The following CUBN variants were observed in gnomAD, a reference collection of about 807,000 sequenced individuals.
CUBN encodes the protein 460 kDa receptor.
CUBN carries 282 observed loss-of-function variants against 405.3 expected under a neutral mutation model. That is an observed-to-expected ratio of 0.70 (90% CI 0.63 to 0.77). The LOEUF (loss-of-function observed/expected upper bound fraction) is 0.77. Among genes scored for constraint, CUBN ranks in the 30% least tolerant of loss-of-function variants. The pLI is 0.00. For synonymous variants in CUBN, 1,684 were observed against 1,617.0 expected (o/e 1.04, Z -0.99); for missense variants, 4,514 against 4,475.2 (o/e 1.01, Z -0.25).
intron 20 of CUBN, 70 bp downstream of exon 20, chr10:17,068,535 T>C: frequency 2.3e-6 from 3 of 1,329,150 alleles, no homozygotes; most frequent in Non-Finnish European, 3.2e-6. Flanking sequence ...TTCATATAAT[T>C]TATTTCTATC....
At chr10:16,932,305 A>G (rs1018723112) in intron 40 of CUBN, among the ~76,000 whole-genome samples, 2 of 152,200 alleles carry the variant, frequency 1.3e-5, no homozygotes, top group Non-Finnish European at 2.9e-5. Context: ...TGCTGAGAAC[A>G]TGTACATCTA....
At chr10:17,005,362 A>G (rs982302947) in intron 28 of CUBN, among the ~76,000 whole-genome samples, 9 of 152,190 alleles carry the variant, frequency 5.9e-5, no homozygotes, top group Non-Finnish European at 1.3e-4. Flanking sequence ...TATGTACTGT[A>G]TATCTTTATG....
chr10:17,055,885 C>T (rs939173026), intron 22 of CUBN, among the ~76,000 whole-genome samples: 1 of 151,966 alleles, frequency 6.6e-6, no homozygotes, highest in Admixed American at 6.6e-5. Flanking sequence ...ATCAAATTCT[C>T]AAGTTTTTTT....
At chr10:17,030,184 T>C (rs1834758991) in intron 27 of CUBN, among the ~76,000 whole-genome samples, 1 of 152,186 alleles carries the variant, frequency 6.6e-6, no homozygotes, top group Non-Finnish European at 1.5e-5. Flanking sequence ...TACATGATGG[T>C]GACTTGTATA....
intron 31 of CUBN, among the ~76,000 whole-genome samples, chr10:16,977,814 T>C (rs370098497): frequency 1.2e-4 from 18 of 152,214 alleles, no homozygotes; most frequent in African/African-American, 4.3e-4. Flanking sequence ...CACCCCTGTC[T>C]GCATGTTTCC....
chr10:16,984,256 G>A lies in CUBN; in HGVS notation c.4374C>T (p.His1458=), dbSNP rs1253294282. ...VLEIYGGPDF[H]SPRIAQLCTQ... ...TACACAGTTGGGCTATTCTGGGAGA[G>A]TGGAAATCGGGGCCTCCATAGATCT... The change falls in exon 30 of 67, where the codon CAC becomes CAT. Residue 1458 remains histidine, a synonymous_variant. Coordinates refer to ENST00000377833, the MANE Select transcript of CUBN (RefSeq NM_001081.4). 1.2e-6 allele frequency: 2 copies of A among 1,614,144 alleles called. No individual in the cohort carries two copies. The highest frequency in any genetic ancestry group is 1.3e-5 in the African/African-American group (1 of 75,044).
chr10:17,089,628 T>G (rs1470117352), intron 14 of CUBN, among the ~76,000 whole-genome samples: 4 of 152,172 alleles, frequency 2.6e-5, no homozygotes. Context: ...GACATAGACA[T>G]TCTCACACAT....
At chr10:16,927,924 A>G (rs10795433) in intron 41 of CUBN, among the ~76,000 whole-genome samples, 1 of 152,028 alleles carries the variant, frequency 6.6e-6, no homozygotes, top group South Asian at 2.1e-4. Context: ...CGAAGATGCC[A>G]CACCAGAGAC....
chr10:16,847,934 G>GA (rs1363449194), intron 60 of CUBN, among the ~76,000 whole-genome samples: 1 of 152,076 alleles, frequency 6.6e-6, no homozygotes, highest in Non-Finnish European at 1.5e-5. Context: ...ATTTATCACA[G>GA]AAAAATCTCT....
chr10:17,096,127 C>T (rs1227479509), intron 14 of CUBN, among the ~76,000 whole-genome samples: 1 of 151,896 alleles, frequency 6.6e-6, no homozygotes, highest in Non-Finnish European at 1.5e-5. Flanking sequence ...TGGCCAGGAG[C>T]TGAGAGGTGG....
At chr10:16,917,438 C>T (rs1234672055) in intron 45 of CUBN, among the ~76,000 whole-genome samples, 1 of 151,904 alleles carries the variant, frequency 6.6e-6, no homozygotes, top group Non-Finnish European at 1.5e-5. Flanking sequence ...ACAACAATAA[C>T]TAATAATAAA....
chr10:17,061,857 GCTAAC>G lies in CUBN; in HGVS notation c.3139+3646_3139+3650del, dbSNP rs549062651. Reference sequence around the variant, plus strand: ...CAGTTCATTTAGAGCGTTTCTAAGAGCTAACCTAGACATGGCAAAAGCAATGGATT... The same window carrying G: ...CAGTTCATTTAGAGCGTTTCTAAGAGCTAGACATGGCAAAAGCAATGGATT... On this transcript the variant is annotated intron_variant, in intron 22 of 66. Coordinates refer to ENST00000377833, the MANE Select transcript of CUBN (RefSeq NM_001081.4). 2.8e-3 allele frequency among the ~76,000 whole-genome samples: 421 copies of G among 152,274 alleles called. 2 individuals carry two copies. The highest frequency in any genetic ancestry group is 9.6e-3 in the African/African-American group (398 of 41,540).
intron 59 of CUBN, among the ~76,000 whole-genome samples, chr10:16,860,676 C>T (rs570301297): frequency 6.6e-6 from 1 of 152,344 alleles, no homozygotes; most frequent in East Asian, 1.9e-4. Flanking sequence ...TGTCACAAGA[C>T]ATTGTCCAGA....
At chr10:17,075,877 C>T (rs1835844854) in intron 17 of CUBN, among the ~76,000 whole-genome samples, 1 of 152,156 alleles carries the variant, frequency 6.6e-6, no homozygotes, top group African/African-American at 2.4e-5. Context: ...AAAAACTTTG[C>T]AAATAGGTAT....
intron 36 of CUBN, among the ~76,000 whole-genome samples, chr10:16,943,174 C>G (rs1394524295): frequency 6.6e-6 from 1 of 152,158 alleles, no homozygotes; most frequent in African/African-American, 2.4e-5. Context: ...CAGCTCTGCT[C>G]TAACCTAGCT....
intron 28 of CUBN, among the ~76,000 whole-genome samples, chr10:16,993,513 T>C (rs1173476807): frequency 6.6e-6 from 1 of 151,840 alleles, no homozygotes; most frequent in Non-Finnish European, 1.5e-5. Flanking sequence ...AATTACAGTA[T>C]AGTTATATGG....
intron 17 of CUBN, among the ~76,000 whole-genome samples, chr10:17,080,349 G>T (rs930092654): frequency 1.3e-5 from 2 of 151,948 alleles, no homozygotes; most frequent in African/African-American, 4.8e-5. Context: ...GATGAATTAG[G>T]GTTCAACGCC....
At chr10:17,094,233 A>C (rs984913538) in intron 14 of CUBN, among the ~76,000 whole-genome samples, 10 of 152,018 alleles carry the variant, frequency 6.6e-5, no homozygotes, top group East Asian at 3.9e-4. Flanking sequence ...TCCTCTCCCC[A>C]AAAAAATTAT....
rs558120664 is a variant in CUBN, at chr10:16,878,161, G to A, written c.8906-1064C>T. 5.9e-5 allele frequency among the ~76,000 whole-genome samples: 9 copies of A among 152,184 alleles called. No homozygotes were observed. In the South Asian group the frequency reaches 1.5e-3, roughly 25 times the overall value. ...AAATTAGTCAGGTGTGGTGGTGCGC[G>A]CCTGTAGTCCCAGCTACTCAGGAGG... On this transcript the variant is annotated intron_variant, in intron 56 of 66. Coordinates refer to ENST00000377833, the MANE Select transcript of CUBN (RefSeq NM_001081.4).
Sources: gnomAD v4.1 joint callset for allele counts (sites outside exome capture counted in the v4.1 genomes callset) on GRCh38, gnomAD v4.1.1 for gene constraint, MANE v1.5 for transcripts, NCBI Gene and HGNC (gene_info 2026-07-23, HGNC 2026-07-21) for gene names.